The following ACSF3 variants were observed in gnomAD, a reference collection of about 807,000 sequenced individuals.
The protein encoded by ACSF3 is acyl-CoA synthetase family member 3, also known as malonate--CoA ligase ACSF3, mitochondrial.
In ACSF3, 78 loss-of-function variants were observed where a neutral mutation model predicts 53.2. That is an observed-to-expected ratio of 1.47 (90% CI 1.22 to 1.77). The LOEUF is 1.77. ACSF3 is among the 40% of genes most tolerant of loss of function. The pLI is 0.00. For synonymous variants in ACSF3, 414 were observed against 333.1 expected, an observed-to-expected ratio of 1.24 and a Z score of -2.65; for missense variants, 937 against 771.1, an observed-to-expected ratio of 1.22 and a Z score of -2.55.
intron 10 of ACSF3, chr16:89,152,883 GAA>G (rs1303552431): frequency 1.3e-5 from 2 of 152,114 alleles, no homozygotes; most frequent in Non-Finnish European, 2.9e-5. Context: ...GTCCTAGAAA[GAA>G]AAGAGAAAAA....
chr16:89,124,560 TGTGA>T (rs1304672536), intron 7 of ACSF3, among the ~76,000 whole-genome samples: 4 of 81,822 alleles, frequency 4.9e-5, no homozygotes, highest in Admixed American at 3.0e-4. Flanking sequence ...TATGTATGTG[TGTGA>T]GATACCCATG....
intron 4 of ACSF3, among the ~76,000 whole-genome samples, chr16:89,104,011 G>A (rs1399804955): frequency 2.0e-5 from 3 of 152,212 alleles, no homozygotes; most frequent in Admixed American, 1.3e-4. Flanking sequence ...GTTGGGGATG[G>A]CGGTGGCTTT....
At chr16:89,132,393 C>T (rs952619344) in intron 7 of ACSF3, among the ~76,000 whole-genome samples, 4 of 152,252 alleles carry the variant, frequency 2.6e-5, no homozygotes, top group Non-Finnish European at 5.9e-5. Context: ...GGTGTCTTCA[C>T]AGACCCACCG....
intron 3 of ACSF3, among the ~76,000 whole-genome samples, chr16:89,101,966 G>A (rs772447643): frequency 1.3e-5 from 2 of 152,236 alleles, no homozygotes; most frequent in East Asian, 1.9e-4. Context: ...GAAGCGGCGC[G>A]CCTGTCGGGA....
At chr16:89,136,067 G>A (rs1207638982) in intron 8 of ACSF3, among the ~76,000 whole-genome samples, 3 of 152,254 alleles carry the variant, frequency 2.0e-5, no homozygotes, top group African/African-American at 4.8e-5. Flanking sequence ...CAGCCACTGC[G>A]TCTGGCCGGT....
chr16:89,111,753 G>T (rs887497128), intron 4 of ACSF3, among the ~76,000 whole-genome samples: 2 of 152,200 alleles, frequency 1.3e-5, no homozygotes, highest in Admixed American at 1.3e-4. Flanking sequence ...TCAGGTCTGC[G>T]GGCAGCCAGG....
chr16:89,136,580 C>A (rs956675598), intron 8 of ACSF3: 34 of 1,280,330 alleles, frequency 2.7e-5, no homozygotes, highest in Non-Finnish European at 3.1e-5. Flanking sequence ...CTGGCATAAG[C>A]CGGCGGGCAC....
At chr16:89,107,654 C>T (rs973003982) in intron 4 of ACSF3, among the ~76,000 whole-genome samples, 1 of 152,220 alleles carries the variant, frequency 6.6e-6, no homozygotes, top group African/African-American at 2.4e-5. Flanking sequence ...CAGTTTGTGG[C>T]TATTAGAAGT....
At chr16:89,102,567 T>G in intron 3 of ACSF3, 37 bp from the exon 4 acceptor site, 1 of 1,611,796 alleles carries the variant, frequency 6.2e-7, no homozygotes, top group Non-Finnish European at 8.5e-7. Context: ...GGCCACAGTC[T>G]TGCTCTTGCT....
intron 7 of ACSF3, among the ~76,000 whole-genome samples, chr16:89,130,631 G>A (rs557576732): frequency 1.3e-5 from 2 of 152,042 alleles, no homozygotes; most frequent in Admixed American, 1.3e-4. Context: ...TGTTTCCGTG[G>A]AGAAATCAGT....
rs184970349 is a variant in ACSF3 at position 89,118,184 on chromosome 16, G to A, written c.1127-2617G>A. On this transcript the variant is annotated intron_variant, in intron 6 of 10. Transcript: ENST00000614302. ...AGCCTGACGGCAGGTTCCCTCGGGC[G>A]CCAGGGATGTTCCCTCTTCTCTAAG... 2.2e-3 allele frequency among the ~76,000 whole-genome samples: 295 copies of A among 132,528 alleles called. 5 individuals are homozygous for A. In the East Asian group the frequency reaches 0.055, roughly 25 times the overall value. The allele number at this position is 132,528 out of a possible 152,430, so 86.9% of individuals were successfully genotyped here.
At chr16:89,146,914 C>T (rs1235520396) in intron 10 of ACSF3, among the ~76,000 whole-genome samples, 7 of 152,116 alleles carry the variant, frequency 4.6e-5, no homozygotes, top group Admixed American at 3.3e-4. Context: ...CCCATAGGAC[C>T]GTCAGGGCAG....
chr16:89,151,547 C>A, intron 10 of ACSF3: 1 of 243,462 alleles, frequency 4.1e-6, no homozygotes, highest in South Asian at 4.8e-5. Flanking sequence ...GATCAAGCAG[C>A]ATTTAAGCCA....
At chr16:89,114,917 G>T (rs55974015) in intron 6 of ACSF3, 40,776 of 333,524 alleles carry the variant, frequency 0.12, 2,812 homozygotes, top group African/African-American at 0.2. Flanking sequence ...TGGGTGTGGT[G>T]GGCAGGGTGG....
Position 89,093,946 on chromosome 16 carries a change from GA to G in ACSF3, c.-242del. On this transcript the variant is annotated 5_prime_UTR_variant, in exon 1 of 11. Coordinates refer to ENST00000614302, the MANE Select transcript of ACSF3 (RefSeq NM_001243279.3). ...CGGCGCGCGCGCGGCGGAGGACGAG[GA>G]AGAGTTGTGGCGAGGCAGATCCTGC... 1 of 326,058 alleles carries G rather than the reference GA, an allele frequency of 3.1e-6. No individual in the cohort carries two copies. The highest frequency in any genetic ancestry group is 2.1e-5 in the South Asian group (1 of 47,176). The allele number at this position is 326,058 out of a possible 1,614,324, so 20.2% of individuals were successfully genotyped here.
intron 2 of ACSF3, among the ~76,000 whole-genome samples, chr16:89,099,420 G>T (rs1421706739): frequency 2.0e-5 from 3 of 152,170 alleles, no homozygotes; most frequent in East Asian, 1.9e-4. Flanking sequence ...TTAAGTTTTT[G>T]GGGGGAAAGG....
chr16:89,145,511 G>GAC, intron 9 of ACSF3, 110 bp downstream of exon 9: 7 of 1,363,564 alleles, frequency 5.1e-6, no homozygotes, highest in Non-Finnish European at 7.0e-6. Context: ...TGCCTGCAGG[G>GAC]GTCCCTGTGA....
chr16:89,122,282 T>TC (rs1368264557), intron 7 of ACSF3: 3 of 293,508 alleles, frequency 1.0e-5, no homozygotes, highest in Non-Finnish European at 2.2e-5. Context: ...TGGGCTGTTA[T>TC]CCCTGTGGCC....
In ACSF3 at chr16:89,102,631, T is replaced by G; in HGVS notation, c.694T>G (p.Trp232Gly). The G allele has an allele frequency of 6.2e-7, 1 of 1,613,872 alleles. No homozygotes were observed. Reference protein sequence around the residue: ...VVTGLVHKWAWTKDDVILHVL... With the variant: ...VVTGLVHKWAGTKDDVILHVL... ...GACCGGGCTGGTCCACAAGTGGGCA[T>G]GGACCAAAGACGACGTGATCCTCCA... is the stretch of plus-strand genomic sequence containing the variant. The change falls in exon 4 of 11, where the codon TGG (tryptophan) becomes GGG (glycine). Residue 232 changes from tryptophan to glycine, a missense_variant. Physicochemically the swap from Trp to Gly is radical, Grantham distance 184. Transcript: ENST00000614302.
Sources: gnomAD v4.1 joint callset for allele counts (sites outside exome capture counted in the v4.1 genomes callset) on GRCh38, gnomAD v4.1.1 for gene constraint, MANE v1.5 for transcripts, NCBI Gene and HGNC (gene_info 2026-07-23, HGNC 2026-07-21) for gene names.